ARB2A: variants seen among roughly 807,000 people sequenced by gnomAD.
ARB2A encodes the protein cotranscriptional regulator ARB2A.
At chr5:94,044,060 T>C in the ARB2A span, among the ~76,000 whole-genome samples, 1 of 152,236 alleles carries the variant, frequency 6.6e-6, no homozygotes, top group Admixed American at 6.5e-5. Flanking sequence ...TAACCCTGCT[T>C]ATTCCTGTGA....
chr5:93,994,325 T>A, the ARB2A span, among the ~76,000 whole-genome samples: 1 of 152,058 alleles, frequency 6.6e-6, no homozygotes, highest in African/African-American at 2.4e-5. Context: ...AATGAAATAG[T>A]TTTCAACCTT....
At chr5:93,921,893 TTCC>T in the ARB2A span, among the ~76,000 whole-genome samples, 2 of 152,192 alleles carry the variant, frequency 1.3e-5, no homozygotes, top group Non-Finnish European at 2.9e-5. Context: ...CCTTTGAAAG[TTCC>T]TTTGTTATCG....
At chr5:93,993,206 T>A in the ARB2A span, among the ~76,000 whole-genome samples, 1 of 152,136 alleles carries the variant, frequency 6.6e-6, no homozygotes, top group Non-Finnish European at 1.5e-5. Flanking sequence ...ACTTCAGTGA[T>A]CTCTGAAAGC....
the ARB2A span, among the ~76,000 whole-genome samples, chr5:93,893,039 G>T: frequency 5.9e-5 from 9 of 152,100 alleles, no homozygotes; most frequent in Admixed American, 1.3e-4. Flanking sequence ...CGATTAAATT[G>T]AAATATTACT....
the ARB2A span, among the ~76,000 whole-genome samples, chr5:93,690,273 C>T: frequency 6.6e-6 from 1 of 152,162 alleles, no homozygotes; most frequent in Non-Finnish European, 1.5e-5. Flanking sequence ...GATCCCACCC[C>T]CATGGAGCCC....
chr5:94,031,932 C>T, the ARB2A span, among the ~76,000 whole-genome samples: 1 of 152,206 alleles, frequency 6.6e-6, no homozygotes, highest in South Asian at 2.1e-4. Flanking sequence ...GCTCTCAAAC[C>T]ATAAGCTCTG....
chr5:93,874,298 T>A, the ARB2A span, among the ~76,000 whole-genome samples: 26 of 152,240 alleles, frequency 1.7e-4, no homozygotes, highest in South Asian at 3.9e-3. Flanking sequence ...AAAAAATCCA[T>A]CACTGAGTTT....
At chr5:93,840,667 G>A in the ARB2A span, among the ~76,000 whole-genome samples, 1 of 152,102 alleles carries the variant, frequency 6.6e-6, no homozygotes, top group East Asian at 1.9e-4. Context: ...TCTTGTCTTG[G>A]ACACTAGACA....
chr5:94,019,211 G>T, the ARB2A span, among the ~76,000 whole-genome samples: 3 of 152,076 alleles, frequency 2.0e-5, no homozygotes, highest in African/African-American at 7.2e-5. Flanking sequence ...AAAAACCCTA[G>T]AAGAAAACCT....
At chr5:93,969,106 G>A in the ARB2A span, among the ~76,000 whole-genome samples, 1 of 150,270 alleles carries the variant, frequency 6.7e-6, no homozygotes, top group Admixed American at 6.6e-5. Context: ...CAGAGGTCAG[G>A]AATTTGGATC....
the ARB2A span, chr5:93,739,314 A>T: frequency 6.6e-6 from 1 of 152,182 alleles, no homozygotes; most frequent in Non-Finnish European, 1.5e-5. Context: ...GAAAGAAACC[A>T]GAAGAAACTA....
chr5:94,068,715 A>G, the ARB2A span, among the ~76,000 whole-genome samples: 14 of 152,066 alleles, frequency 9.2e-5, no homozygotes, highest in South Asian at 2.7e-3. Flanking sequence ...CATGTTTAAA[A>G]GTGGGTGCAG....
the ARB2A span, among the ~76,000 whole-genome samples, chr5:94,103,860 C>T: frequency 6.7e-6 from 1 of 149,062 alleles, no homozygotes; most frequent in South Asian, 2.1e-4. Flanking sequence ...ATAGATCTCT[C>T]AAAATCATAT....
At chr5:94,056,684 T>C in the ARB2A span, among the ~76,000 whole-genome samples, 1 of 152,168 alleles carries the variant, frequency 6.6e-6, no homozygotes, top group African/African-American at 2.4e-5. Flanking sequence ...TACGATTTCA[T>C]ACCCAAAAGG....
At chr5:93,928,075 C>T in the ARB2A span, among the ~76,000 whole-genome samples, 1 of 151,630 alleles carries the variant, frequency 6.6e-6, no homozygotes, top group African/African-American at 2.4e-5. Flanking sequence ...GGTTATATAT[C>T]CACTTAGGAT....
At chr5:94,039,374 C>G in the ARB2A span, among the ~76,000 whole-genome samples, 709 of 152,240 alleles carry the variant, frequency 4.7e-3, 39 homozygotes, top group East Asian at 0.1. Flanking sequence ...AGTAAGGAAG[C>G]TAGCCAAAAC....
At chr5:93,872,247 C>T in the ARB2A span, among the ~76,000 whole-genome samples, 3 of 152,110 alleles carry the variant, frequency 2.0e-5, no homozygotes, top group South Asian at 6.2e-4. Flanking sequence ...TGTGCCCGGT[C>T]CCACTGGTTG....
At chr5:93,806,661 T>C in the ARB2A span, among the ~76,000 whole-genome samples, 1 of 151,980 alleles carries the variant, frequency 6.6e-6, no homozygotes, top group East Asian at 1.9e-4. Flanking sequence ...TTTTAAAGTA[T>C]GAATTCCAGA....
the ARB2A span, among the ~76,000 whole-genome samples, chr5:93,698,822 C>T: frequency 6.6e-6 from 1 of 152,142 alleles, no homozygotes; most frequent in Non-Finnish European, 1.5e-5. Flanking sequence ...ATTTTGTCCT[C>T]ATGAAGCTTA....
Sources: allele counts gnomAD v4.1 joint callset (sites outside exome capture counted in the v4.1 genomes callset), GRCh38; gene constraint gnomAD v4.1.1; transcripts MANE v1.5; gene names NCBI Gene and HGNC (gene_info 2026-07-23, HGNC 2026-07-21).